Variants in ARHGAP30 observed in about 807,000 individuals in gnomAD.
ARHGAP30 encodes rho GTPase-activating protein 30.
In ARHGAP30, 23 loss-of-function variants were observed where a neutral mutation model predicts 72.0. The observed-to-expected ratio is 0.32, with a 90% confidence interval of 0.23 to 0.45. The LOEUF is 0.45. Among genes scored for constraint, ARHGAP30 ranks in the 20% least tolerant of loss-of-function variants. The pLI is 1.00. For missense variants in ARHGAP30, 1,319 were observed against 1,383.4 expected, an observed-to-expected ratio of 0.95 and a Z score of 0.74; for synonymous variants, 576 against 528.2, an observed-to-expected ratio of 1.09 and a Z score of -1.24.
At chr1:161,057,736 CG>C (rs1435954380) in intron 2 of ARHGAP30, among the ~76,000 whole-genome samples, 2 of 152,196 alleles carry the variant, frequency 1.3e-5, no homozygotes, top group Non-Finnish European at 2.9e-5. Flanking sequence ...AAAGGTAGGC[CG>C]GGCGCAGTGG....
chr1:161,047,642 G>A lies in ARHGAP30; in HGVS notation c.*73C>T, dbSNP rs1018294556. The A allele has an allele frequency of 1.8e-5, 26 of 1,451,468 alleles. No individual in the cohort carries two copies. The highest frequency in any genetic ancestry group is 2.1e-5 in the Non-Finnish European group (23 of 1,087,680). 89.9% of individuals were successfully genotyped at this position (1,451,468 alleles called of 1,614,324 possible). On this transcript the variant is annotated 3_prime_UTR_variant, in exon 12 of 12. Transcript: ENST00000368013. ...CACTACAGCTGCTCATGCTGCAGAG[G>A]AGACAGCTAGTCAGGAACCCTGGAG... is the stretch of plus-strand genomic sequence containing the variant.
intron 4 of ARHGAP30, 30 bp from the exon 5 acceptor site, chr1:161,054,503 G>A (rs747853848): frequency 1.9e-6 from 3 of 1,608,056 alleles, no homozygotes; most frequent in East Asian, 2.2e-5. Context: ...GGATCACACA[G>A]GGAATGCCCA....
intron 2 of ARHGAP30, among the ~76,000 whole-genome samples, chr1:161,059,397 TTG>T (rs146642677): frequency 1.3e-5 from 2 of 150,234 alleles, no homozygotes; most frequent in African/African-American, 2.4e-5. Context: ...AGAGTGGAGT[TTG>T]TGTGTGTGTG....
At chr1:161,051,739 G>A (rs751679145) in intron 9 of ARHGAP30, 24 bp from the exon 10 acceptor site, 80 of 1,572,672 alleles carry the variant, frequency 5.1e-5, no homozygotes, top group Non-Finnish European at 6.5e-5. Context: ...AGAGGGCCAG[G>A]TAGGCAATAG....
chr1:161,066,846 G>A (rs1185547229), intron 1 of ARHGAP30, among the ~76,000 whole-genome samples: 2 of 152,044 alleles, frequency 1.3e-5, no homozygotes, highest in Admixed American at 1.3e-4. Flanking sequence ...ATTGAATGCA[G>A]AGATAGGGCA....
chr1:161,054,681 G>C lies in ARHGAP30; in HGVS notation c.370C>G (p.Pro124Ala), dbSNP rs749168430. The C allele has an allele frequency of 6.2e-7, 1 of 1,613,982 alleles. No individual in the cohort carries two copies. Among genetic ancestry groups the C allele is most frequent in the Non-Finnish European group, 8.5e-7 (1 of 1,180,014 alleles). The change falls in exon 4 of 12, where the codon CCT becomes GCT. Residue 124 changes from proline to alanine, a missense_variant. By Grantham distance (27) the Pro-to-Ala change is conservative. Transcript: ENST00000368013. ...FAEAVGVQLE[P>A]ERLVKILEVL... ...TCTAGGATCTTGACCAAGCGCTCAGGTTCCAATTGCACTCCTACAGCCTCC... is the reference window on the plus strand; with the variant it reads ...TCTAGGATCTTGACCAAGCGCTCAGCTTCCAATTGCACTCCTACAGCCTCC...
intron 6 of ARHGAP30, 163 bp downstream of exon 6, chr1:161,053,095 T>A: frequency 9.1e-7 from 1 of 1,100,044 alleles, no homozygotes; most frequent in Non-Finnish European, 1.3e-6. Context: ...GAAGAAGTCT[T>A]CTCAAGTCCT....
intron 9 of ARHGAP30, among the ~76,000 whole-genome samples, chr1:161,052,055 C>A (rs4993172): frequency 0.7 from 9,803 of 14,100 alleles, 3,408 homozygotes; most frequent in Middle Eastern, 0.93. Flanking sequence ...CCACCACCAC[C>A]ACCACATACC....
At position 161,047,578 on chromosome 1, in the gene ARHGAP30, A is replaced by T; in HGVS notation, c.*137T>A. 1 of 936,944 alleles carries T rather than the reference A, an allele frequency of 1.1e-6. No homozygotes were observed. The highest frequency in any genetic ancestry group is 1.5e-6 in the Non-Finnish European group (1 of 671,000). The allele number at this position is 936,944 out of a possible 1,614,324, so 58.0% of individuals were successfully genotyped here. On this transcript the variant is annotated 3_prime_UTR_variant, in exon 12 of 12. Transcript: ENST00000368013. ...AACCAAGGCAGTGCCTCCCACAGTC[A>T]AAGAGAGAAGCTGGAGGGCCAAAGC...
At position 161,047,591 on chromosome 1, in the gene ARHGAP30, G is replaced by T. The variant is rs192492649; in HGVS notation, c.*124C>A. ...CCTCCCACAGTCAAAGAGAGAAGCTGGAGGGCCAAAGCCTATAGAGTTGGG... is the reference window on the plus strand; with the variant it reads ...CCTCCCACAGTCAAAGAGAGAAGCTTGAGGGCCAAAGCCTATAGAGTTGGG... On this transcript the variant is annotated 3_prime_UTR_variant, in exon 12 of 12. Coordinates refer to ENST00000368013, the MANE Select transcript of ARHGAP30 (RefSeq NM_001025598.2). 5.7e-5 allele frequency: 61 copies of T among 1,061,956 alleles called. 2 individuals carry two copies. In the Admixed American group the frequency reaches 7.0e-4, roughly 12 times the overall value. 65.8% of individuals were successfully genotyped at this position (1,061,956 alleles called of 1,614,324 possible).
chr1:161,061,344 T>G (rs1388507179), intron 1 of ARHGAP30, among the ~76,000 whole-genome samples: 1 of 151,850 alleles, frequency 6.6e-6, no homozygotes, highest in Non-Finnish European at 1.5e-5. Flanking sequence ...TTTTGTATTT[T>G]TAGTAGAGAC....
At position 161,069,433 on chromosome 1, in the gene ARHGAP30, G is replaced by C; in HGVS notation, c.97+95C>G. The C allele has an allele frequency of 1.6e-6, 2 of 1,277,070 alleles. No homozygotes were observed. The highest frequency in any genetic ancestry group is 2.2e-6 in the Non-Finnish European group (2 of 898,234). The allele number at this position is 1,277,070 out of a possible 1,614,324, so 79.1% of individuals were successfully genotyped here. A position where few individuals can be genotyped will look rare whatever the true frequency, so the allele number is the denominator to read the frequency against. ...CCAGGCCACTGCCCCTTCCCCAGGA[G>C]CACCGGAAACTGCTTCTGCCCTTCA... On this transcript the variant is annotated intron_variant, in intron 1 of 11. Coordinates refer to ENST00000368013, the MANE Select transcript of ARHGAP30 (RefSeq NM_001025598.2). This position sits in a 1 kb window ranked among gnomAD's most constrained non-coding sequence, Gnocchi z 4.9.
intron 3 of ARHGAP30, among the ~76,000 whole-genome samples, chr1:161,055,088 G>A (rs1011377429): frequency 2.6e-5 from 4 of 152,160 alleles, no homozygotes; most frequent in African/African-American, 9.7e-5. Context: ...ACTGAGCAGG[G>A]TGCTGCTAGG....
Position 161,048,037 on chromosome 1 carries a change from A to G in ARHGAP30, c.2984T>C (p.Leu995Pro), listed in dbSNP as rs1375130324. 6.2e-7 allele frequency: 1 copy of G among 1,614,190 alleles called. No homozygotes were observed. Among genetic ancestry groups the G allele is most frequent in the Non-Finnish European group, 8.5e-7 (1 of 1,180,022 alleles). The change falls in exon 12 of 12, where the codon CTT (leucine) becomes CCT (proline). Residue 995 changes from leucine (L) to proline (P), a missense_variant. Physicochemically the swap from Leu to Pro is moderately conservative, Grantham distance 98. This residue lies in a region of ARHGAP30 where 1,097 missense variants were observed against 1,045.2 expected (regional missense o/e 1.05). Coordinates refer to ENST00000368013, the MANE Select transcript of ARHGAP30 (RefSeq NM_001025598.2). ...SRSSWRNGGS[L>P]SFDAAVALAR... Reference sequence around the variant, plus strand: ...TAGGGCCACAGCAGCATCAAAGGAAAGACTACCCCCATTCCTCCAAGAGGA... The same window carrying G: ...TAGGGCCACAGCAGCATCAAAGGAAGGACTACCCCCATTCCTCCAAGAGGA...
intron 1 of ARHGAP30, among the ~76,000 whole-genome samples, chr1:161,061,429 A>G (rs990785312): frequency 2.0e-5 from 3 of 152,150 alleles, no homozygotes; most frequent in African/African-American, 7.2e-5. Context: ...CTGGGATTAC[A>G]GGCGTGAGCC....
intron 2 of ARHGAP30, among the ~76,000 whole-genome samples, chr1:161,058,228 C>G (rs1652034775): frequency 6.6e-6 from 1 of 151,704 alleles, no homozygotes; most frequent in African/African-American, 2.4e-5. Flanking sequence ...AGGAGAATTG[C>G]TTGAACCTAG....
chr1:161,056,793 A>T (rs957759025), intron 2 of ARHGAP30, among the ~76,000 whole-genome samples: 1 of 152,224 alleles, frequency 6.6e-6, no homozygotes, highest in Non-Finnish European at 1.5e-5. Context: ...ATGTAGCTGT[A>T]GATATGTGTA....
Position 161,051,469 on chromosome 1 carries a change from A to G in ARHGAP30, c.1265T>C (p.Leu422Pro). 6 of 1,614,252 alleles carry G rather than the reference A, an allele frequency of 3.7e-6. No homozygotes were observed. The highest frequency in any genetic ancestry group is 5.1e-6 in the Non-Finnish European group (6 of 1,180,038). ...CACACTGAGGATAGAGGTGATGTGT[A>G]GCGGGAGGTTGACATTGTAGGGGTC... ...ISDPYNVNLPLHITSILSVPP... is the reference protein window; with the variant it reads ...ISDPYNVNLPPHITSILSVPP... Residue 422 changes from leucine to proline, a missense_variant, in exon 10 of 12, where the codon CTA (leucine) becomes CCA (proline). Transcript: ENST00000368013.
chr1:161,063,651 A>C (rs1239551400), intron 1 of ARHGAP30, among the ~76,000 whole-genome samples: 1 of 152,256 alleles, frequency 6.6e-6, no homozygotes, highest in African/African-American at 2.4e-5. Flanking sequence ...AAGAGAGATA[A>C]CCTTAAACTC....
Sources: allele counts gnomAD v4.1 joint callset (sites outside exome capture counted in the v4.1 genomes callset), GRCh38; gene constraint gnomAD v4.1.1; regional missense constraint gnomAD v4.1.1; non-coding constraint Gnocchi (gnomAD v3.1); transcripts MANE v1.5; gene names NCBI Gene and HGNC (gene_info 2026-07-23, HGNC 2026-07-21).